Variants in FOXP1 observed in about 807,000 individuals in gnomAD.
FOXP1 encodes forkhead box protein P1.
In FOXP1, 15 loss-of-function variants were observed where a neutral mutation model predicts 98.2. The ratio of observed to expected loss-of-function variants is 0.15; its 90% CI spans 0.10 to 0.24. FOXP1 has a LOEUF of 0.24. FOXP1 is among the 10% of genes least tolerant of loss of function. The pLI is 1.00. For missense variants in FOXP1, 633 were observed against 848.5 expected (o/e 0.75, Z 3.15); for synonymous variants, 371 against 314.5 (o/e 1.18, Z -1.90).
chr3:71,202,781 A>C (rs954053041), intron 5 of FOXP1, among the ~76,000 whole-genome samples: 1 of 152,230 alleles, frequency 6.6e-6, no homozygotes, highest in East Asian at 1.9e-4. Flanking sequence ...GACAAAGAAA[A>C]GCATTAAAAT....
chr3:71,494,315 A>G (rs969747985), intron 2 of FOXP1, among the ~76,000 whole-genome samples: 1 of 152,232 alleles, frequency 6.6e-6, no homozygotes, highest in Non-Finnish European at 1.5e-5. Flanking sequence ...TCTTTTTGAA[A>G]GAAGCATATT....
chr3:71,211,883 C>T (rs1402809888), intron 5 of FOXP1, among the ~76,000 whole-genome samples: 1 of 152,202 alleles, frequency 6.6e-6, no homozygotes, highest in African/African-American at 2.4e-5. Context: ...AAATGATTCA[C>T]TTTTGATAAA....
chr3:71,540,230 T>C (rs1028750462), intron 2 of FOXP1, among the ~76,000 whole-genome samples: 1 of 152,216 alleles, frequency 6.6e-6, no homozygotes, highest in Non-Finnish European at 1.5e-5. Flanking sequence ...CAAGACAATG[T>C]CACTAGACAA....
intron 2 of FOXP1, chr3:71,573,900 T>C (rs1052906085): frequency 3.3e-5 from 5 of 152,228 alleles, no homozygotes; most frequent in Admixed American, 2.0e-4. Flanking sequence ...AGTTAATTAC[T>C]TAACCTTTCT....
chr3:71,396,533 C>T (rs535444842), intron 3 of FOXP1, among the ~76,000 whole-genome samples: 5 of 152,102 alleles, frequency 3.3e-5, no homozygotes, highest in African/African-American at 1.2e-4. Context: ...CCCGTGGGAA[C>T]AAGCTTCCTA....
intron 6 of FOXP1, among the ~76,000 whole-genome samples, chr3:71,165,412 C>A (rs1409933492): frequency 2.0e-5 from 3 of 152,124 alleles, no homozygotes; most frequent in African/African-American, 7.2e-5. Flanking sequence ...CATTTTTAAT[C>A]ATTTCGAATA....
rs376768206 is a variant in FOXP1 at position 70,961,300 on chromosome 3, G to A, written c.1890-1909C>T. On this transcript the variant is annotated intron_variant, in intron 20 of 20. Coordinates refer to ENST00000649528, the MANE Select transcript of FOXP1 (RefSeq NM_001349338.3). ...GGCTGGAGTGCAGTGGCAGGATCTC[G>A]GCTCACTGCAACCTCCAACCCCCAG... Among the ~76,000 whole-genome samples, 19 of 152,014 alleles carry A rather than the reference G, an allele frequency of 1.2e-4. No individual in the cohort carries two copies. In the East Asian group the frequency reaches 2.7e-3, roughly 22 times the overall value.
intron 2 of FOXP1, among the ~76,000 whole-genome samples, chr3:71,503,702 C>G (rs1460580064): frequency 6.6e-6 from 1 of 151,422 alleles, no homozygotes; most frequent in African/African-American, 2.4e-5. Flanking sequence ...AGGTATGGTA[C>G]TGTAGGGAGG....
chr3:71,448,973 T>A (rs577906051), intron 3 of FOXP1, among the ~76,000 whole-genome samples: 1 of 152,176 alleles, frequency 6.6e-6, no homozygotes, highest in Non-Finnish European at 1.5e-5. Flanking sequence ...CTAGCTCCAA[T>A]GAAATCAAAG....
chr3:70,975,252 C>T (rs1044138815), intron 17 of FOXP1, among the ~76,000 whole-genome samples: 2 of 152,172 alleles, frequency 1.3e-5, no homozygotes, highest in East Asian at 1.9e-4. Context: ...AAATGTCTGC[C>T]TCATGCTTCG....
intron 4 of FOXP1, among the ~76,000 whole-genome samples, chr3:71,304,968 A>G (rs1159221587): frequency 6.6e-6 from 1 of 152,168 alleles, no homozygotes; most frequent in Non-Finnish European, 1.5e-5. Context: ...ATATCTTCAC[A>G]CAGGACATAT....
intron 3 of FOXP1, among the ~76,000 whole-genome samples, chr3:71,428,000 A>G (rs1020774358): frequency 2.0e-5 from 3 of 152,200 alleles, no homozygotes; most frequent in African/African-American, 4.8e-5. Flanking sequence ...AGAGTCCTCT[A>G]TACTGAGGTA....
intron 6 of FOXP1, among the ~76,000 whole-genome samples, chr3:71,117,125 T>C (rs1228210946): frequency 1.3e-5 from 2 of 152,118 alleles, no homozygotes; most frequent in Non-Finnish European, 1.5e-5. Flanking sequence ...TCTCACTATG[T>C]TACCTGGGCT....
chr3:71,547,490 T>C (rs570461231), intron 2 of FOXP1, among the ~76,000 whole-genome samples: 5 of 152,298 alleles, frequency 3.3e-5, no homozygotes, highest in Admixed American at 2.0e-4. Context: ...TGGGCCCCGT[T>C]TGACCTCTTT....
At position 70,958,103 on chromosome 3, in the gene FOXP1, C is replaced by CAGTCT. The variant is rs1229046763; in HGVS notation, c.*1139_*1143dup. 8.3e-5 allele frequency: 28 copies of CAGTCT among 336,834 alleles called. No individual in the cohort carries two copies. Among genetic ancestry groups the CAGTCT allele is most frequent in the African/African-American group, 5.4e-4 (25 of 45,880 alleles). The allele number at this position is 336,834 out of a possible 1,614,324, so 20.9% of individuals were successfully genotyped here. A position where few individuals can be genotyped will look rare whatever the true frequency, so the allele number is the denominator to read the frequency against. On this transcript the variant is annotated 3_prime_UTR_variant, in exon 21 of 21. Transcript: ENST00000649528. ...GGAGAGCCTTCCAAGGCCATATTGTCAGTCTAATTAATATGAGCTTTTTTT... is the reference window on the plus strand; with the variant it reads ...GGAGAGCCTTCCAAGGCCATATTGTCAGTCTAGTCTAATTAATATGAGCTTTTTTT...
chr3:71,067,321 C>G (rs941407681), intron 7 of FOXP1, among the ~76,000 whole-genome samples: 17 of 152,154 alleles, frequency 1.1e-4, no homozygotes, highest in African/African-American at 4.1e-4. Flanking sequence ...TGTGTACTTG[C>G]CCTGTATTTG....
chr3:71,434,586 T>A (rs934453461), intron 3 of FOXP1, among the ~76,000 whole-genome samples: 1 of 151,060 alleles, frequency 6.6e-6, no homozygotes. Context: ...GTATATGAAA[T>A]AGTAAAACCA....
At chr3:71,315,572 T>C (rs2075029531) in intron 4 of FOXP1, among the ~76,000 whole-genome samples, 1 of 152,070 alleles carries the variant, frequency 6.6e-6, no homozygotes, top group African/African-American at 2.4e-5. Flanking sequence ...AGCAAATATC[T>C]TAGAGCTAAA....
intron 2 of FOXP1, among the ~76,000 whole-genome samples, chr3:71,550,291 C>T (rs988006587): frequency 6.6e-6 from 1 of 152,142 alleles, no homozygotes; most frequent in Non-Finnish European, 1.5e-5. Context: ...AACCCTTCAA[C>T]AAAACCACGT....
Sources: gnomAD v4.1 joint callset for allele counts (sites outside exome capture counted in the v4.1 genomes callset) on GRCh38, gnomAD v4.1.1 for gene constraint, MANE v1.5 for transcripts, NCBI Gene and HGNC (gene_info 2026-07-23, HGNC 2026-07-21) for gene names.